CHST8: variants seen among roughly 807,000 people sequenced by gnomAD.
The protein encoded by CHST8 is carbohydrate sulfotransferase 8, also known as GALNAC-4-ST1.
In CHST8, 10 loss-of-function variants were observed where a neutral mutation model predicts 15.0. The observed-to-expected ratio is 0.67, with a 90% CI of 0.41 to 1.13. The LOEUF (loss-of-function observed/expected upper bound fraction) is 1.13. CHST8 is among the 50% of genes most tolerant of loss of function. The pLI is 0.00. For missense variants in CHST8, 634 were observed against 608.2 expected, an observed-to-expected ratio of 1.04 and a Z score of -0.45; for synonymous variants, 259 against 256.6, an observed-to-expected ratio of 1.01 and a Z score of -0.09.
At chr19:33,754,837 G>T (rs964779416) in intron 3 of CHST8, among the ~76,000 whole-genome samples, 4 of 152,240 alleles carry the variant, frequency 2.6e-5, no homozygotes, top group African/African-American at 9.6e-5. Context: ...GAACCTTGAA[G>T]TTGATTGCAG....
At chr19:33,712,042 C>CT (rs1316834569) in intron 3 of CHST8, among the ~76,000 whole-genome samples, 1 of 152,222 alleles carries the variant, frequency 6.6e-6, no homozygotes, top group African/African-American at 2.4e-5. Context: ...TCTATAAGAT[C>CT]TTTATGTTGT....
At chr19:33,724,305 C>G (rs954613987) in intron 3 of CHST8, among the ~76,000 whole-genome samples, 1 of 152,200 alleles carries the variant, frequency 6.6e-6, no homozygotes, top group Admixed American at 6.5e-5. Context: ...CTCCACCATC[C>G]TCTCACTGTG....
At chr19:33,694,908 C>T (rs1973181216) in intron 3 of CHST8, among the ~76,000 whole-genome samples, 2 of 150,670 alleles carry the variant, frequency 1.3e-5, no homozygotes, top group African/African-American at 4.9e-5. Context: ...TATAATTTCC[C>T]TTCCCTTCCC....
rs1283224681 is a variant in CHST8, at chr19:33,771,258, C to T, written c.131-155C>T. On this transcript the variant is annotated intron_variant, in intron 3 of 4. Transcript: ENST00000650847. ...TCTGCATGGGTAGGGGATGGAGGGGCTCCAGCACTGAGCCATGCCCTAAGC... is the reference window on the plus strand; with the variant it reads ...TCTGCATGGGTAGGGGATGGAGGGGTTCCAGCACTGAGCCATGCCCTAAGC... Among the ~76,000 whole-genome samples, 4 of 152,158 alleles carry T rather than the reference C, an allele frequency of 2.6e-5. No homozygotes were observed. In the South Asian group the frequency reaches 8.3e-4, roughly 31 times the overall value.
chr19:33,732,453 C>G (rs1184719559), intron 3 of CHST8, among the ~76,000 whole-genome samples: 1 of 151,786 alleles, frequency 6.6e-6, no homozygotes, highest in Non-Finnish European at 1.5e-5. Flanking sequence ...GCACCGCTGG[C>G]CAACTGGCTA....
intron 2 of CHST8, among the ~76,000 whole-genome samples, chr19:33,682,136 G>A (rs1483861997): frequency 1.3e-5 from 2 of 151,252 alleles, no homozygotes; most frequent in Non-Finnish European, 2.9e-5. Flanking sequence ...GATTATAGGC[G>A]TGAGCCACCG....
At chr19:33,650,371 A>T (rs1972420392) in intron 1 of CHST8, among the ~76,000 whole-genome samples, 1 of 151,978 alleles carries the variant, frequency 6.6e-6, no homozygotes, top group African/African-American at 2.4e-5. Flanking sequence ...AAATTAATTG[A>T]GTTGTGAGAC....
intron 1 of CHST8, among the ~76,000 whole-genome samples, chr19:33,660,517 T>C (rs1330518903): frequency 6.6e-6 from 1 of 152,070 alleles, no homozygotes; most frequent in African/African-American, 2.4e-5. Flanking sequence ...AAGAAACTGG[T>C]GGAAACCAGC....
intron 3 of CHST8, chr19:33,744,565 A>AT (rs139545658): frequency 0.033 from 4,920 of 149,686 alleles, 240 homozygotes; most frequent in African/African-American, 0.11. Context: ...TCTCCCCTTC[A>AT]TTTTTTTTTC....
intron 3 of CHST8, among the ~76,000 whole-genome samples, chr19:33,749,425 CCTCCCCATCATCCCCCCAT>C (rs1420958163): frequency 1.6e-5 from 2 of 123,692 alleles, no homozygotes; most frequent in African/African-American, 6.0e-5. Flanking sequence ...CCCCCTCCAT[CCTCCCCATCATCCCCCCAT>C]CTCCCCACCA....
chr19:33,699,701 C>T (rs1356218342), intron 3 of CHST8, among the ~76,000 whole-genome samples: 1 of 152,152 alleles, frequency 6.6e-6, no homozygotes, highest in Non-Finnish European at 1.5e-5. Context: ...GTCCTGGAGG[C>T]AGCGCTGTGT....
chr19:33,636,118 G>A (rs1046285538), intron 1 of CHST8, among the ~76,000 whole-genome samples: 4 of 148,808 alleles, frequency 2.7e-5, no homozygotes, highest in Non-Finnish European at 5.9e-5. Flanking sequence ...ACCTCTTGAC[G>A]CTTTCTCCAA....
intron 1 of CHST8, among the ~76,000 whole-genome samples, chr19:33,637,031 G>A (rs1568310167): frequency 6.6e-6 from 1 of 152,198 alleles, no homozygotes; most frequent in Non-Finnish European, 1.5e-5. Flanking sequence ...GATTGTTCAT[G>A]CCTCCCCTTT....
At chr19:33,710,335 A>G (rs973758410) in intron 3 of CHST8, among the ~76,000 whole-genome samples, 2 of 150,940 alleles carry the variant, frequency 1.3e-5, no homozygotes, top group Admixed American at 1.3e-4. Flanking sequence ...GTATTTTATT[A>G]TTTCCTTGCT....
chr19:33,701,441 C>T (rs1042123406), intron 3 of CHST8, among the ~76,000 whole-genome samples: 8 of 152,182 alleles, frequency 5.3e-5, no homozygotes, highest in East Asian at 1.9e-4. Flanking sequence ...GACATCACAT[C>T]GCTGTAATCT....
intron 3 of CHST8, among the ~76,000 whole-genome samples, chr19:33,736,315 C>T (rs1367546644): frequency 3.3e-5 from 5 of 152,236 alleles, no homozygotes; most frequent in African/African-American, 1.2e-4. Context: ...CTCCCGGATG[C>T]TGCTAATCAG....
chr19:33,759,141 C>G (rs904042552), intron 3 of CHST8, among the ~76,000 whole-genome samples: 3 of 152,302 alleles, frequency 2.0e-5, no homozygotes, highest in Admixed American at 1.3e-4. Context: ...CCAGGACCCA[C>G]CCCCAACACT....
chr19:33,689,396 G>T lies in CHST8; in HGVS notation c.130+5G>T. The T allele has an allele frequency of 6.3e-7, 1 of 1,581,128 alleles. No homozygotes were observed. On this transcript the variant is annotated splice_donor_5th_base_variant and intron_variant, in intron 3 of 4. Coordinates refer to ENST00000650847, the MANE Select transcript of CHST8 (RefSeq NM_001127895.2). Reference sequence around the variant, plus strand: ...TCGCCCCCCAGCAGGTGCCAGGTGAGTCCTTGCGCTGAGTCCTGCCATCAC... The same window carrying T: ...TCGCCCCCCAGCAGGTGCCAGGTGATTCCTTGCGCTGAGTCCTGCCATCAC...
intron 1 of CHST8, among the ~76,000 whole-genome samples, chr19:33,655,220 A>G (rs1215841887): frequency 6.6e-6 from 1 of 152,098 alleles, no homozygotes; most frequent in Non-Finnish European, 1.5e-5. Context: ...CATTTTTTGT[A>G]GAGACAGGGT....
Sources: allele counts gnomAD v4.1 joint callset (sites outside exome capture counted in the v4.1 genomes callset), GRCh38; gene constraint gnomAD v4.1.1; transcripts MANE v1.5; gene names NCBI Gene and HGNC (gene_info 2026-07-23, HGNC 2026-07-21).